Variants in GOLM2 observed in about 807,000 individuals in gnomAD.
GOLM2 encodes the protein protein GOLM2.
In GOLM2, 26 loss-of-function variants were observed where a neutral mutation model predicts 55.9. The ratio of observed to expected loss-of-function variants is 0.47; its 90% CI spans 0.34 to 0.65. The LOEUF (loss-of-function observed/expected upper bound fraction) is 0.65. Among genes scored for constraint, GOLM2 ranks in the 30% least tolerant of loss-of-function variants. The pLI is 0.01. For missense variants in GOLM2, 486 were observed against 531.8 expected (o/e 0.91, Z 0.85); for synonymous variants, 165 against 194.6 (o/e 0.85, Z 1.27).
At position 44,289,193 on chromosome 15, in the gene GOLM2, G is replaced by A. The variant is rs1285915850; in HGVS notation, c.164G>A (p.Arg55His). ...EVAELQGQVQRTEVARGRLEK... is the reference protein window; with the variant it reads ...EVAELQGQVQHTEVARGRLEK... Reference sequence around the variant, plus strand: ...GCCGAGCTGCAGGGCCAGGTCCAGCGCACCGAAGTGGCCCGCGGGCGGCTG... The same window carrying A: ...GCCGAGCTGCAGGGCCAGGTCCAGCACACCGAAGTGGCCCGCGGGCGGCTG... The change falls in exon 1 of 10, where the codon CGC (arginine) becomes CAC (histidine). Residue 55 changes from arginine (R) to histidine (H), a missense_variant. By Grantham distance (29) the Arg-to-His change is conservative (BLOSUM62 0). Coordinates refer to ENST00000299957, the MANE Select transcript of GOLM2 (RefSeq NM_138423.4). This position sits in a 1 kb window ranked among gnomAD's most constrained non-coding sequence, Gnocchi z 4.8. 4.3e-6 allele frequency: 7 copies of A among 1,614,076 alleles called. No individual in the cohort carries two copies. Among genetic ancestry groups the A allele is most frequent in the Admixed American group, 1.7e-5 (1 of 60,012 alleles).
intron 1 of GOLM2, among the ~76,000 whole-genome samples, chr15:44,302,079 T>C (rs1445226323): frequency 2.6e-5 from 4 of 152,102 alleles, no homozygotes; most frequent in Non-Finnish European, 4.4e-5. Context: ...ATTCAGATTG[T>C]GAAAAGATTT....
chr15:44,391,078 T>C (rs2079484849), intron 8 of GOLM2, among the ~76,000 whole-genome samples: 1 of 152,212 alleles, frequency 6.6e-6, no homozygotes, highest in South Asian at 2.1e-4. Flanking sequence ...AATCATTAAA[T>C]AAGTTGAATA....
intron 7 of GOLM2, among the ~76,000 whole-genome samples, chr15:44,380,131 A>G (rs1341339359): frequency 6.6e-6 from 1 of 152,162 alleles, no homozygotes; most frequent in African/African-American, 2.4e-5. Flanking sequence ...GTGCCCACCT[A>G]TATTAAAATC....
At chr15:44,325,754 T>C (rs1375170441) in intron 2 of GOLM2, among the ~76,000 whole-genome samples, 1 of 152,220 alleles carries the variant, frequency 6.6e-6, no homozygotes, top group African/African-American at 2.4e-5. Flanking sequence ...TACTGCTTCC[T>C]ACTGTGATCT....
chr15:44,337,939 T>C, intron 5 of GOLM2, 32 bp downstream of exon 5: 1 of 1,546,374 alleles, frequency 6.5e-7, no homozygotes, highest in Middle Eastern at 1.7e-4. Flanking sequence ...TGTTTTGTAT[T>C]AATAGGATAT....
At chr15:44,338,099 C>A in intron 5 of GOLM2, 138 bp from the exon 6 acceptor site, 1 of 971,248 alleles carries the variant, frequency 1.0e-6, no homozygotes, top group Non-Finnish European at 1.5e-6. Context: ...AGAGTTACAG[C>A]TATGTCCAAA....
Position 44,289,843 on chromosome 15 carries a change from C to T in GOLM2, c.327+487C>T, listed in dbSNP as rs1305918821. Reference sequence around the variant, plus strand: ...TTAAGCTGTGTGACTTTTAAAATCTCTATAGGGTGATGTATTGAATAACTA... The same window carrying T: ...TTAAGCTGTGTGACTTTTAAAATCTTTATAGGGTGATGTATTGAATAACTA... On this transcript the variant is annotated intron_variant, in intron 1 of 9. Transcript: ENST00000299957. This position sits in a 1 kb window ranked among gnomAD's most constrained non-coding sequence, Gnocchi z 4.8. Among the ~76,000 whole-genome samples the T allele has an allele frequency of 6.6e-6, 1 of 152,216 alleles. No homozygotes were observed. Among genetic ancestry groups the T allele is most frequent in the Non-Finnish European group, 1.5e-5 (1 of 68,040 alleles).
intron 1 of GOLM2, among the ~76,000 whole-genome samples, chr15:44,316,770 A>G (rs1195219452): frequency 6.6e-6 from 1 of 151,236 alleles, no homozygotes; most frequent in Non-Finnish European, 1.5e-5. Context: ...AAAAAAAAAC[A>G]AAAAAGAGCT....
chr15:44,403,559 A>G (rs1242657786), intron 9 of GOLM2, among the ~76,000 whole-genome samples: 1 of 152,178 alleles, frequency 6.6e-6, no homozygotes, highest in African/African-American at 2.4e-5. Context: ...AATTATTTTA[A>G]TTTTTAAAAA....
At position 44,372,302 on chromosome 15, in the gene GOLM2, T is replaced by G. The variant is rs191571684; in HGVS notation, c.803-7388T>G. The stretch of plus-strand genomic sequence containing the variant: ...TGAGGACCACTGCTTATCAGTGCCA[T>G]ACTCCTTCTCTATAGCCATAGGCAC... On this transcript the variant is annotated intron_variant, in intron 6 of 9. Coordinates refer to ENST00000299957, the MANE Select transcript of GOLM2 (RefSeq NM_138423.4). Among the ~76,000 whole-genome samples the G allele has an allele frequency of 8.3e-4, 126 of 152,338 alleles. No homozygotes were observed. In the South Asian group the frequency reaches 0.013, roughly 15 times the overall value.
intron 6 of GOLM2, among the ~76,000 whole-genome samples, chr15:44,369,904 T>C (rs2079318808): frequency 6.6e-6 from 1 of 152,056 alleles, no homozygotes; most frequent in South Asian, 2.1e-4. Flanking sequence ...GTTTATTAAG[T>C]ATTAACTCAT....
Position 44,289,182 on chromosome 15 carries a change from C to T in GOLM2, c.153C>T (p.Gly51=). The change falls in exon 1 of 10, where the codon GGC becomes GGT. Residue 51 remains glycine, a synonymous_variant. Transcript: ENST00000299957. This position sits in a 1 kb window ranked among gnomAD's most constrained non-coding sequence, Gnocchi z 4.8. The stretch of plus-strand genomic sequence containing the variant: ...AGGAGGAGGTGGCCGAGCTGCAGGG[C>T]CAGGTCCAGCGCACCGAAGTGGCCC... ...LLQEEVAELQ[G]QVQRTEVARG... is the part of the protein sequence containing the mutation. The T allele has an allele frequency of 6.2e-7, 1 of 1,614,186 alleles. No individual in the cohort carries two copies. Among genetic ancestry groups the T allele is most frequent in the East Asian group, 2.2e-5 (1 of 44,872 alleles).
chr15:44,333,665 T>C (rs895453688), intron 4 of GOLM2, among the ~76,000 whole-genome samples: 2 of 151,974 alleles, frequency 1.3e-5, no homozygotes, highest in African/African-American at 2.4e-5. Context: ...GCTGTTGCAA[T>C]TGTGTCATTA....
In GOLM2 at chr15:44,367,631, C is replaced by T. The variant is rs1458302872; in HGVS notation, c.803-12059C>T. Among the ~76,000 whole-genome samples the T allele has an allele frequency of 3.3e-5, 5 of 152,144 alleles. No individual in the cohort carries two copies. The East Asian group carries it at 9.7e-4, about 29-fold the overall frequency. On this transcript the variant is annotated intron_variant, in intron 6 of 9. Coordinates refer to ENST00000299957, the MANE Select transcript of GOLM2 (RefSeq NM_138423.4). ...CCAACATGGTGAAACCCCATCTCTACTAAAAATACAAAAATTAGTTGGGCC... is the reference window on the plus strand; with the variant it reads ...CCAACATGGTGAAACCCCATCTCTATTAAAAATACAAAAATTAGTTGGGCC...
intron 6 of GOLM2, among the ~76,000 whole-genome samples, chr15:44,345,442 A>G (rs376810815): frequency 3.9e-5 from 6 of 152,078 alleles, no homozygotes; most frequent in African/African-American, 9.6e-5. Context: ...GTATTTTAGT[A>G]GAGACGGGGT....
chr15:44,380,681 A>T, intron 7 of GOLM2, 125 bp from the exon 8 acceptor site: 6 of 562,072 alleles, frequency 1.1e-5, no homozygotes, highest in Non-Finnish European at 1.4e-5. Flanking sequence ...AAAAAAAAAA[A>T]GCTTTGTGGC....
chr15:44,395,652 C>T (rs1370606928), intron 8 of GOLM2, among the ~76,000 whole-genome samples: 1 of 151,640 alleles, frequency 6.6e-6, no homozygotes, highest in Admixed American at 6.6e-5. Context: ...CCATCCTGGC[C>T]AACATGATGA....
intron 1 of GOLM2, among the ~76,000 whole-genome samples, chr15:44,304,310 C>G (rs372592440): frequency 7.5e-6 from 1 of 133,074 alleles, no homozygotes; most frequent in Admixed American, 8.6e-5. Context: ...GGCATGATCT[C>G]GGCTCACTGC....
chr15:44,289,061 GCCGCCTGC>G lies in GOLM2; in HGVS notation c.35_42del (p.Arg12LeufsTer94). Reference sequence around the variant, plus strand: ...GGTTTCGGGGCCAACCGGCGGGCTGGCCGCCTGCCCTCTCTCGTGCTGGTGGTGCTGCT... The same window carrying G: ...GGTTTCGGGGCCAACCGGCGGGCTGGCCTCTCTCGTGCTGGTGGTGCTGCT... On this transcript the variant is annotated frameshift_variant, in exon 1 of 10. Transcript: ENST00000299957. LOFTEE classifies it high-confidence loss of function. The surrounding 1 kb of genome is among the most constrained non-coding windows in gnomAD (Gnocchi z 4.8). 1.9e-6 allele frequency: 3 copies of G among 1,613,720 alleles called. No individual in the cohort carries two copies. Among genetic ancestry groups the G allele is most frequent in the Non-Finnish European group, 2.5e-6 (3 of 1,179,828 alleles).
Sources: allele counts gnomAD v4.1 joint callset (sites outside exome capture counted in the v4.1 genomes callset), GRCh38; gene constraint gnomAD v4.1.1; non-coding constraint Gnocchi (gnomAD v3.1); transcripts MANE v1.5; gene names NCBI Gene and HGNC (gene_info 2026-07-23, HGNC 2026-07-21).